ARAP1: variants seen among roughly 807,000 people sequenced by gnomAD.
The protein encoded by ARAP1 is ArfGAP with RhoGAP domain, ankyrin repeat and PH domain 1, also known as arf-GAP with Rho-GAP domain, ANK repeat and PH domain-containing protein 1.
Under a neutral mutation model 172.2 loss-of-function variants are expected in ARAP1, and 76 were observed. The observed-to-expected ratio is 0.44, with a 90% confidence interval of 0.37 to 0.53. The LOEUF (loss-of-function observed/expected upper bound fraction) is 0.53, where lower values mean the gene tolerates loss of function less well. ARAP1 is among the 20% of genes least tolerant of loss of function. The probability of loss-of-function intolerance (pLI) is 0.00; values close to 1 mark genes in which losing one functional copy is unlikely to be tolerated. For synonymous variants in ARAP1, 804 were observed against 803.3 expected (o/e 1.00, Z -0.01); for missense variants, 1,686 against 1,977.5 (o/e 0.85, Z 2.80).
At position 72,693,204 on chromosome 11, in the gene ARAP1, TG is replaced by T; in HGVS notation, c.3954+120del. The T allele has an allele frequency of 2.1e-6, 3 of 1,422,740 alleles. No individual in the cohort carries two copies. In the East Asian group the frequency reaches 7.1e-5, roughly 34 times the overall value. The allele number at this position is 1,422,740 out of a possible 1,614,324, so 88.1% of individuals were successfully genotyped here. ...TTGAGAGTCTACAGTTCTCCCCCAC[TG>T]CTGTGCCATCCTGAGAGCCTGTAAC... On this transcript the variant is annotated intron_variant, in intron 29 of 34. Coordinates refer to ENST00000393609, the MANE Select transcript of ARAP1 (RefSeq NM_001040118.3). This position sits in a 1 kb window ranked among gnomAD's most constrained non-coding sequence, Gnocchi z 4.6.
At chr11:72,714,491 C>T (rs1857188726) in intron 3 of ARAP1, among the ~76,000 whole-genome samples, 170 bp from the exon 4 acceptor site, 2 of 152,160 alleles carry the variant, frequency 1.3e-5, no homozygotes. Flanking sequence ...GACCAAAACC[C>T]CTCCTGGTTC....
chr11:72,697,157 T>G lies in ARAP1; in HGVS notation c.2992A>C (p.Thr998Pro). ...TCCAGCAGCCGCTGTGTCTTCGATGTCTGCCCACACTTGCGGTAGATGCCC... is the reference window on the plus strand; with the variant it reads ...TCCAGCAGCCGCTGTGTCTTCGATGGCTGCCCACACTTGCGGTAGATGCCC... ...SEGIYRKCGQ[T>P]SKTQRLLESL... The change falls in exon 22 of 35, where the codon ACA becomes CCA. Residue 998 changes from threonine (T) to proline (P), a missense_variant. Thr to Pro is a conservative substitution (Grantham distance 38). Transcript: ENST00000393609. 6.2e-7 allele frequency: 1 copy of G among 1,604,348 alleles called. No individual in the cohort carries two copies. The highest frequency in any genetic ancestry group is 1.1e-5 in the South Asian group (1 of 91,084).
intron 30 of ARAP1, among the ~76,000 whole-genome samples, chr11:72,692,319 C>T (rs1430154026): frequency 6.6e-6 from 1 of 152,114 alleles, no homozygotes; most frequent in Non-Finnish European, 1.5e-5. Flanking sequence ...TGGGGGTATC[C>T]CACAAGCCTC....
rs1254199493 is a variant in ARAP1, at chr11:72,692,793, A to T, written c.3955-8T>A. 6.8e-6 allele frequency: 11 copies of T among 1,613,440 alleles called. No homozygotes were observed. The highest frequency in any genetic ancestry group is 8.5e-6 in the Non-Finnish European group (10 of 1,179,962). On this transcript the variant is annotated splice_polypyrimidine_tract_variant and splice_region_variant and intron_variant, in intron 29 of 34. Coordinates refer to ENST00000393609, the MANE Select transcript of ARAP1 (RefSeq NM_001040118.3). The stretch of plus-strand genomic sequence containing the variant: ...GCTCCACGGCCTCTGGCTCTGTTTG[A>T]TAGAGGATCAGGGTTATGGAAGAAG...
intron 30 of ARAP1, 193 bp from the exon 31 acceptor site, chr11:72,688,730 G>A: frequency 1.8e-6 from 1 of 565,366 alleles, no homozygotes; most frequent in East Asian, 3.0e-5. Flanking sequence ...CCCAGCCCTA[G>A]GCCCCCAAGG....
chr11:72,703,408 C>CGGGAG (rs1555013435), intron 14 of ARAP1: 1 of 113,632 alleles, frequency 8.8e-6, no homozygotes. Flanking sequence ...GTGGAGGAGC[C>CGGGAG]GGGGGGGGGG....
chr11:72,704,790 C>T, intron 13 of ARAP1: 1 of 166,810 alleles, frequency 6.0e-6, no homozygotes, highest in Admixed American at 5.5e-5. Flanking sequence ...TGGGTGAGTG[C>T]AGGGATCCAG....
chr11:72,708,465 C>A, intron 11 of ARAP1: 1 of 156,464 alleles, frequency 6.4e-6, no homozygotes, highest in Non-Finnish European at 1.4e-5. Context: ...AATCAGAGAA[C>A]GCCCGTCAGG....
intron 1 of ARAP1, among the ~76,000 whole-genome samples, chr11:72,742,693 A>G (rs10793040): frequency 0.71 from 108,150 of 152,122 alleles, 39,448 homozygotes; most frequent in African/African-American, 0.87. Context: ...GCAGGCAGGG[A>G]TTCCTCCTGC....
chr11:72,713,293 C>A, intron 4 of ARAP1, 50 bp from the exon 5 acceptor site: 1 of 1,546,538 alleles, frequency 6.5e-7, no homozygotes. Context: ...CTGGCCTCCT[C>A]TCCTGGGGCA....
At chr11:72,740,597 TA>T (rs1858164954) in intron 1 of ARAP1, among the ~76,000 whole-genome samples, 1 of 152,214 alleles carries the variant, frequency 6.6e-6, no homozygotes. Flanking sequence ...ACAGAACTAT[TA>T]TAAGAGAAAC....
intron 1 of ARAP1, among the ~76,000 whole-genome samples, chr11:72,745,234 G>A (rs1858322594): frequency 6.9e-6 from 1 of 145,630 alleles, no homozygotes; most frequent in African/African-American, 2.6e-5. Context: ...TGTCGCCCAG[G>A]CTGGAGTGCA....
chr11:72,686,356 G>C (rs1855684631), intron 33 of ARAP1, among the ~76,000 whole-genome samples, 165 bp from the exon 34 acceptor site: 1 of 152,186 alleles, frequency 6.6e-6, no homozygotes. Flanking sequence ...GAACATGACT[G>C]CATCTCTGGC....
chr11:72,747,627 G>A (rs574865854), intron 1 of ARAP1, among the ~76,000 whole-genome samples: 1 of 152,212 alleles, frequency 6.6e-6, no homozygotes, highest in African/African-American at 2.4e-5. Flanking sequence ...CCTTGGCTGA[G>A]AGACTGCAGG....
chr11:72,713,304 C>A, intron 4 of ARAP1, 61 bp from the exon 5 acceptor site: 1 of 1,485,746 alleles, frequency 6.7e-7, no homozygotes, highest in Non-Finnish European at 9.4e-7. Flanking sequence ...TCCTGGGGCA[C>A]CACACTGGGC....
rs372501449 is a variant in ARAP1, at chr11:72,699,544, G to A, written c.2311C>T (p.Arg771Trp). 8.7e-6 allele frequency: 14 copies of A among 1,612,180 alleles called. No homozygotes were observed. The highest frequency in any genetic ancestry group is 4.5e-5 in the East Asian group (2 of 44,814). ...CCGTCACCAAGGACACACCAGCGCC[G>A]GCTGAACTCTGGGGAGAATTTGGGC... ...QDRRAREEFS[R>W]RWCVLGDGVL... Residue 771 changes from arginine (R) to tryptophan (W), a missense_variant, in exon 17 of 35, where the codon CGG (arginine) becomes TGG (tryptophan). Physicochemically the swap from Arg to Trp is moderately radical, Grantham distance 101. This residue lies in a region of ARAP1 where 688 missense variants were observed against 856.9 expected (regional missense o/e 0.80). Transcript: ENST00000393609. The surrounding 1 kb of genome is among the most constrained non-coding windows in gnomAD (Gnocchi z 4.2).
chr11:72,748,331 C>G (rs1858433222), intron 1 of ARAP1, among the ~76,000 whole-genome samples: 1 of 152,086 alleles, frequency 6.6e-6, no homozygotes. Context: ...ATCATCCTGG[C>G]CAACATGGTG....
Position 72,695,156 on chromosome 11 carries a change from C to T in ARAP1, c.3577-59G>A, listed in dbSNP as rs114988084. On this transcript the variant is annotated intron_variant, in intron 26 of 34. Transcript: ENST00000393609. This position sits in a 1 kb window ranked among gnomAD's most constrained non-coding sequence, Gnocchi z 4.4. The stretch of plus-strand genomic sequence containing the variant: ...TGCCTAGCCCCTGCTCTGCCACAAC[C>T]TTGCTATGTGACTCAGAGCCTGAGC... 1,229 of 1,558,362 alleles carry T rather than the reference C, an allele frequency of 7.9e-4. 8 individuals carry two copies. In the African/African-American group the frequency reaches 0.015, roughly 19 times the overall value.
intron 1 of ARAP1, among the ~76,000 whole-genome samples, chr11:72,736,004 C>G (rs1212291960): frequency 2.6e-5 from 4 of 152,184 alleles, no homozygotes; most frequent in African/African-American, 9.7e-5. Context: ...CCGGAGAAAG[C>G]AGCAAATTGA....
Sources: gnomAD v4.1 joint callset for allele counts (sites outside exome capture counted in the v4.1 genomes callset) on GRCh38, gnomAD v4.1.1 for gene constraint, gnomAD v4.1.1 regional missense constraint, Gnocchi (gnomAD v3.1) non-coding constraint, MANE v1.5 for transcripts, NCBI Gene and HGNC (gene_info 2026-07-23, HGNC 2026-07-21) for gene names.